PTPN13: variants seen among roughly 807,000 people sequenced by gnomAD.
The protein encoded by PTPN13 is tyrosine-protein phosphatase non-receptor type 13.
PTPN13 carries 191 observed loss-of-function variants against 284.0 expected under a neutral mutation model. That is an observed-to-expected ratio of 0.67 (90% confidence interval 0.60 to 0.76). PTPN13 has a LOEUF of 0.76. Among genes scored for constraint, PTPN13 ranks in the 30% least tolerant of loss-of-function variants. PTPN13 has a pLI of 0.00. For synonymous variants in PTPN13, 986 were observed against 1,022.3 expected (o/e 0.96, Z 0.68); for missense variants, 2,797 against 2,939.9 (o/e 0.95, Z 1.12).
intron 44 of PTPN13, among the ~76,000 whole-genome samples, chr4:86,807,084 A>G (rs1438364118): frequency 1.3e-5 from 2 of 152,194 alleles, no homozygotes; most frequent in African/African-American, 4.8e-5. Context: ...AATTATGCCA[A>G]TAACATTTGC....
At chr4:86,612,681 AGAAAAAAAAGCC>A (rs1489553408) in intron 1 of PTPN13, among the ~76,000 whole-genome samples, 2 of 152,184 alleles carry the variant, frequency 1.3e-5, no homozygotes, top group Non-Finnish European at 2.9e-5. Flanking sequence ...AAGTAGTCAT[AGAAAAAAAAGCC>A]AAAGAAAAAG....
intron 30 of PTPN13, 104 bp downstream of exon 30, chr4:86,770,303 T>C: frequency 9.6e-7 from 1 of 1,044,520 alleles, no homozygotes; most frequent in South Asian, 1.5e-5. Context: ...CTGGGTTTCA[T>C]ACCTAGCTAC....
chr4:86,672,289 C>T (rs1345737160), intron 2 of PTPN13, 76 bp from the exon 3 acceptor site: 1 of 1,240,662 alleles, frequency 8.1e-7, no homozygotes, highest in Admixed American at 2.8e-5. Flanking sequence ...GAAGTGATTG[C>T]TGTTTCCTGT....
At chr4:86,606,037 A>T (rs1764709893) in intron 1 of PTPN13, among the ~76,000 whole-genome samples, 1 of 151,880 alleles carries the variant, frequency 6.6e-6, no homozygotes, top group Non-Finnish European at 1.5e-5. Flanking sequence ...TAATGAGGAA[A>T]TCCCACTGAG....
intron 23 of PTPN13, among the ~76,000 whole-genome samples, chr4:86,760,739 G>A (rs892703336): frequency 6.6e-6 from 1 of 151,684 alleles, no homozygotes; most frequent in Non-Finnish European, 1.5e-5. Context: ...TTTTTTTTCT[G>A]TCCATGCTAA....
intron 12 of PTPN13, 144 bp downstream of exon 12, chr4:86,732,910 C>A: frequency 3.8e-6 from 2 of 527,224 alleles, no homozygotes; most frequent in South Asian, 6.9e-5. Flanking sequence ...AACTCCCTTT[C>A]TTCTCCCAGC....
chr4:86,799,358 G>A (rs1435964412), intron 42 of PTPN13, among the ~76,000 whole-genome samples, 154 bp downstream of exon 42: 2 of 147,838 alleles, frequency 1.4e-5, no homozygotes, highest in African/African-American at 2.5e-5. Context: ...GAGGCTGGGA[G>A]TCCAGTGGGG....
chr4:86,771,509 TC>T lies in PTPN13; in HGVS notation c.5145del (p.Asn1716IlefsTer55), dbSNP rs1739997752. 1 of 1,570,696 alleles carries T rather than the reference TC, an allele frequency of 6.4e-7. No individual in the cohort carries two copies. Among genetic ancestry groups the T allele is most frequent in the African/African-American group, 1.3e-5 (1 of 74,240 alleles). On this transcript the variant is annotated frameshift_variant, in exon 31 of 48. Transcript: ENST00000411767. LOFTEE classifies it high-confidence loss of function. ...CTMFYYPQKI[P>X]NKPEFEDSNP... ...CCATGTTTTACTATCCTCAGAAAAT[TC>T]CCAATAAACCAGAGTTTGAGGACAG...
rs762741013 is a variant in PTPN13, at chr4:86,750,835, C to G, written c.3016C>G (p.Gln1006Glu). The change falls in exon 18 of 48, where the codon CAG becomes GAG. Residue 1006 changes from glutamine (Q) to glutamate (E), a missense_variant. Physicochemically the swap from Gln to Glu is conservative, Grantham distance 29. Transcript: ENST00000411767. Reference protein sequence around the residue: ...VAELVGKPSHQMSRSDAESLA... With the variant: ...VAELVGKPSHEMSRSDAESLA... ...AGAGTTGGTGGGAAAACCTTCTCAC[C>G]AGATGTCAAGATCTGATGCAGAATC... is the stretch of plus-strand genomic sequence containing the variant. 3.7e-6 allele frequency: 6 copies of G among 1,613,780 alleles called. No individual in the cohort carries two copies. The East Asian group carries it at 1.3e-4, about 36-fold the overall frequency.
At chr4:86,700,171 T>C (rs1364812795) in intron 6 of PTPN13, among the ~76,000 whole-genome samples, 1 of 152,206 alleles carries the variant, frequency 6.6e-6, no homozygotes, top group Non-Finnish European at 1.5e-5. Context: ...TTAAAGCTTA[T>C]AGTTGTTACA....
At chr4:86,747,561 A>AGCAGCAGCAGCAGCG (rs1736922672) in intron 17 of PTPN13, among the ~76,000 whole-genome samples, 1 of 147,196 alleles carries the variant, frequency 6.8e-6, no homozygotes, top group African/African-American at 2.7e-5. Flanking sequence ...CAGCAGCAGC[A>AGCAGCAGCAGCAGCG]GCAGCAGCAG....
At chr4:86,686,423 A>G (rs1729464899) in intron 3 of PTPN13, among the ~76,000 whole-genome samples, 1 of 152,204 alleles carries the variant, frequency 6.6e-6, no homozygotes. Flanking sequence ...GGAAATAAGA[A>G]TATATATTCG....
chr4:86,738,098 G>A (rs186358143), intron 15 of PTPN13, among the ~76,000 whole-genome samples: 140 of 151,632 alleles, frequency 9.2e-4, no homozygotes, highest in Non-Finnish European at 1.5e-3. Flanking sequence ...TTTTTTCTGA[G>A]TAGTTTTTCT....
At chr4:86,700,831 G>A (rs1326012964) in intron 6 of PTPN13, among the ~76,000 whole-genome samples, 1 of 152,138 alleles carries the variant, frequency 6.6e-6, no homozygotes, top group Non-Finnish European at 1.5e-5. Context: ...GCTTTATAGT[G>A]ATATGACATA....
At chr4:86,761,688 T>C (rs1047080116) in intron 23 of PTPN13, among the ~76,000 whole-genome samples, 1 of 152,196 alleles carries the variant, frequency 6.6e-6, no homozygotes, top group Non-Finnish European at 1.5e-5. Context: ...ATATTTACTA[T>C]TTGTATTTTA....
At chr4:86,745,583 T>C (rs1736652628) in intron 17 of PTPN13, among the ~76,000 whole-genome samples, 1 of 152,100 alleles carries the variant, frequency 6.6e-6, no homozygotes, top group Non-Finnish European at 1.5e-5. Context: ...GAGAACAGCC[T>C]GGCAAACATG....
chr4:86,764,872 A>T (rs552413140), intron 25 of PTPN13, 148 bp downstream of exon 25: 1 of 926,172 alleles, frequency 1.1e-6, no homozygotes, highest in African/African-American at 1.8e-5. Context: ...TCTAAAAACT[A>T]TTTTAAAAAT....
intron 2 of PTPN13, among the ~76,000 whole-genome samples, chr4:86,659,352 A>G (rs546955542): frequency 2.6e-4 from 40 of 152,340 alleles, no homozygotes; most frequent in Non-Finnish European, 4.9e-4. Context: ...TCTAAATTTT[A>G]TCAAAAATAT....
At chr4:86,784,253 CTA>C (rs1741655155) in intron 37 of PTPN13, among the ~76,000 whole-genome samples, 1 of 152,020 alleles carries the variant, frequency 6.6e-6, no homozygotes, top group South Asian at 2.1e-4. Context: ...GTTGTTTCAC[CTA>C]GTATTTCCAG....
Sources: allele counts gnomAD v4.1 joint callset (sites outside exome capture counted in the v4.1 genomes callset), GRCh38; gene constraint gnomAD v4.1.1; transcripts MANE v1.5; gene names NCBI Gene and HGNC (gene_info 2026-07-23, HGNC 2026-07-21).